SLC25A21: variants seen among roughly 807,000 people sequenced by gnomAD.
SLC25A21 encodes the protein mitochondrial 2-oxodicarboxylate carrier.
A neutral mutation model predicts 43.8 loss-of-function variants in SLC25A21; 47 were observed. That is an observed-to-expected ratio of 1.07 (90% CI 0.85 to 1.37). The LOEUF (loss-of-function observed/expected upper bound fraction) is 1.37, where lower values mean the gene tolerates loss of function less well. SLC25A21 is among the 40% of genes most tolerant of loss of function. SLC25A21 has a pLI of 0.00. For synonymous variants in SLC25A21, 131 were observed against 121.3 expected (o/e 1.08, Z -0.52); for missense variants, 352 against 350.2 (o/e 1.00, Z -0.04).
intron 2 of SLC25A21, among the ~76,000 whole-genome samples, chr14:36,824,058 C>T (rs991700235): frequency 2.6e-5 from 4 of 152,130 alleles, no homozygotes; most frequent in African/African-American, 9.7e-5. Flanking sequence ...GCCAGGGGCC[C>T]AGTGAAGGAG....
At chr14:36,859,648 A>G (rs1484661002) in intron 2 of SLC25A21, among the ~76,000 whole-genome samples, 1 of 152,166 alleles carries the variant, frequency 6.6e-6, no homozygotes, top group East Asian at 1.9e-4. Context: ...TGGTGCACAG[A>G]CCCTGGAAAA....
chr14:36,788,119 T>C (rs1328259984), intron 3 of SLC25A21, among the ~76,000 whole-genome samples: 1 of 152,188 alleles, frequency 6.6e-6, no homozygotes, highest in Non-Finnish European at 1.5e-5. Flanking sequence ...CTTTTTAAAG[T>C]CTGGACACAT....
chr14:37,021,736 A>T (rs1960990225), intron 1 of SLC25A21, among the ~76,000 whole-genome samples: 1 of 151,940 alleles, frequency 6.6e-6, no homozygotes, highest in Admixed American at 6.6e-5. Flanking sequence ...AGTTTCAGGA[A>T]AAGAGCTTAT....
At chr14:37,125,712 A>C (rs1963285649) in intron 1 of SLC25A21, among the ~76,000 whole-genome samples, 1 of 152,168 alleles carries the variant, frequency 6.6e-6, no homozygotes, top group Non-Finnish European at 1.5e-5. Context: ...GATTAGGTTA[A>C]AATAAGGCAG....
At chr14:36,998,261 T>G (rs558961425) in intron 1 of SLC25A21, among the ~76,000 whole-genome samples, 19 of 152,332 alleles carry the variant, frequency 1.2e-4, no homozygotes, top group African/African-American at 4.6e-4. Flanking sequence ...TTTCTTACAC[T>G]TATTTGATCA....
At chr14:37,137,252 C>T (rs1433371788) in intron 1 of SLC25A21, among the ~76,000 whole-genome samples, 1 of 152,172 alleles carries the variant, frequency 6.6e-6, no homozygotes, top group Non-Finnish European at 1.5e-5. Context: ...CCGCCTCGGC[C>T]TCCTAAAGTG....
intron 3 of SLC25A21, among the ~76,000 whole-genome samples, chr14:36,771,998 A>AT (rs1220566534): frequency 2.0e-5 from 3 of 152,266 alleles, no homozygotes; most frequent in Admixed American, 1.3e-4. Flanking sequence ...CGCGAGCAGC[A>AT]TAAGGTGGGG....
chr14:37,096,038 T>C (rs992017586), intron 1 of SLC25A21, among the ~76,000 whole-genome samples: 32 of 152,270 alleles, frequency 2.1e-4, no homozygotes, highest in African/African-American at 7.5e-4. Flanking sequence ...TCTATTAAAT[T>C]GTTCAAAAAT....
At chr14:37,018,751 TGGCTTCCCTTTGCACTTAGA>T (rs1566818978) in intron 1 of SLC25A21, among the ~76,000 whole-genome samples, 1 of 151,900 alleles carries the variant, frequency 6.6e-6, no homozygotes, top group Non-Finnish European at 1.5e-5. Context: ...TCTAAGTGCG[TGGCTTCCCTTTGCACTTAGA>T]GGAAATCTAC....
chr14:36,692,685 G>C (rs2139154146), intron 7 of SLC25A21, among the ~76,000 whole-genome samples: 1 of 152,318 alleles, frequency 6.6e-6, no homozygotes, highest in Admixed American at 6.5e-5. Context: ...GAGAAAGCAG[G>C]ATTTGTCAGC....
intron 1 of SLC25A21, among the ~76,000 whole-genome samples, chr14:37,106,642 C>T (rs76673942): frequency 6.6e-6 from 1 of 152,166 alleles, no homozygotes; most frequent in Non-Finnish European, 1.5e-5. Context: ...CCTGTTCCCT[C>T]AGAAGCATGT....
intron 1 of SLC25A21, among the ~76,000 whole-genome samples, chr14:37,020,782 A>G (rs1343155016): frequency 6.6e-6 from 1 of 151,978 alleles, no homozygotes; most frequent in Non-Finnish European, 1.5e-5. Flanking sequence ...ATTAGTTTCA[A>G]AAACAGATTT....
chr14:36,679,568 T>TGTTA lies in SLC25A21; in HGVS notation c.*1086_*1089dup. The TGTTA allele has an allele frequency of 1.0e-6, 1 of 985,364 alleles. No homozygotes were observed. The highest frequency in any genetic ancestry group is 1.2e-6 in the Non-Finnish European group (1 of 829,868). The allele number at this position is 985,364 out of a possible 1,614,324, so 61.0% of individuals were successfully genotyped here. ...CCAAGGAGATATTTTTGTTGATACA[T>TGTTA]GTTAGTATAGTAATCCTTAGAAATG... On this transcript the variant is annotated 3_prime_UTR_variant, in exon 10 of 10. Coordinates refer to ENST00000331299, the MANE Select transcript of SLC25A21 (RefSeq NM_030631.4).
chr14:36,716,438 T>C (rs904031110), intron 6 of SLC25A21, among the ~76,000 whole-genome samples: 1 of 152,324 alleles, frequency 6.6e-6, no homozygotes, highest in Middle Eastern at 3.4e-3. Context: ...ATAGTCACTA[T>C]GTGAGATGAT....
intron 1 of SLC25A21, among the ~76,000 whole-genome samples, chr14:36,901,416 T>C (rs1891396567): frequency 6.6e-6 from 1 of 152,214 alleles, no homozygotes; most frequent in African/African-American, 2.4e-5. Context: ...TGAGTTAATC[T>C]GAACTATGGT....
intron 1 of SLC25A21, among the ~76,000 whole-genome samples, chr14:37,101,718 T>G (rs1382441520): frequency 6.6e-6 from 1 of 152,262 alleles, no homozygotes; most frequent in African/African-American, 2.4e-5. Context: ...TATAGAACCA[T>G]GTATATGATA....
intron 2 of SLC25A21, among the ~76,000 whole-genome samples, chr14:36,830,299 A>G (rs1566655521): frequency 6.6e-6 from 1 of 152,348 alleles, no homozygotes; most frequent in Admixed American, 6.5e-5. Flanking sequence ...CTAAGCACCC[A>G]TCTGGATGAG....
chr14:36,728,294 A>G (rs1884679488), intron 5 of SLC25A21, among the ~76,000 whole-genome samples: 1 of 152,212 alleles, frequency 6.6e-6, no homozygotes, highest in Admixed American at 6.5e-5. Flanking sequence ...TTTCTGTTTC[A>G]ATTCTCAAGA....
chr14:36,726,874 G>A (rs1884622261), intron 5 of SLC25A21, among the ~76,000 whole-genome samples: 1 of 152,182 alleles, frequency 6.6e-6, no homozygotes, highest in African/African-American at 2.4e-5. Flanking sequence ...TTGTTAATGG[G>A]CTCTAATATC....
Sources: gnomAD v4.1 joint callset for allele counts (sites outside exome capture counted in the v4.1 genomes callset) on GRCh38, gnomAD v4.1.1 for gene constraint, MANE v1.5 for transcripts, NCBI Gene and HGNC (gene_info 2026-07-23, HGNC 2026-07-21) for gene names.